Variants in PTPN4 observed in about 807,000 individuals in gnomAD.
PTPN4 encodes the protein protein tyrosine phosphatase non-receptor type 4.
In PTPN4, 49 loss-of-function variants were observed where a neutral mutation model predicts 135.5. The ratio of observed to expected loss-of-function variants is 0.36; its 90% CI spans 0.29 to 0.46. The LOEUF (loss-of-function observed/expected upper bound fraction) is 0.46. PTPN4 is among the 20% of genes least tolerant of loss of function. The pLI is 1.00. For synonymous variants in PTPN4, 333 were observed against 369.9 expected (o/e 0.90, Z 1.14); for missense variants, 860 against 1,101.0 (o/e 0.78, Z 3.10).
At chr2:119,972,205 T>C (rs1230447149) in intron 26 of PTPN4, among the ~76,000 whole-genome samples, 1 of 151,694 alleles carries the variant, frequency 6.6e-6, no homozygotes, top group Non-Finnish European at 1.5e-5. Flanking sequence ...AGAATGTTCA[T>C]AGGGATTGGG....
intron 9 of PTPN4, among the ~76,000 whole-genome samples, chr2:119,887,909 C>T (rs539692204): frequency 7.2e-5 from 11 of 152,098 alleles, no homozygotes; most frequent in South Asian, 4.1e-4. Flanking sequence ...CTATGAAGAA[C>T]GATGTTGGTA....
At chr2:119,879,226 A>C (rs978411352) in intron 5 of PTPN4, among the ~76,000 whole-genome samples, 4 of 152,196 alleles carry the variant, frequency 2.6e-5, no homozygotes, top group Admixed American at 2.6e-4. Context: ...CTGTCTTTGA[A>C]TTTCTGAATG....
rs368353554 is a variant in PTPN4 at position 119,895,291 on chromosome 2, G to A, written c.676-5427G>A. Among the ~76,000 whole-genome samples, 41 of 152,270 alleles carry A rather than the reference G, an allele frequency of 2.7e-4. No individual in the cohort carries two copies. The East Asian group carries it at 3.9e-3, about 14-fold the overall frequency. ...ACATCATAACATTGAGTGGGTTTGC[G>A]TTATCGTACTGTTAACATGTGATAG... On this transcript the variant is annotated intron_variant, in intron 9 of 26. Coordinates refer to ENST00000263708, the MANE Select transcript of PTPN4 (RefSeq NM_002830.4).
intron 1 of PTPN4, among the ~76,000 whole-genome samples, chr2:119,808,271 A>T (rs2104947174): frequency 6.6e-6 from 1 of 152,320 alleles, no homozygotes; most frequent in Admixed American, 6.5e-5. Flanking sequence ...CAGTTAGGAA[A>T]AGAGGAAGTC....
At chr2:119,946,629 T>G (rs1398329723) in intron 18 of PTPN4, 55 bp downstream of exon 18, 1 of 1,279,250 alleles carries the variant, frequency 7.8e-7, no homozygotes, top group Non-Finnish European at 1.1e-6. Context: ...TGTACTTATT[T>G]TATAATTCTT....
At chr2:119,934,109 AT>A (rs1413070088) in intron 14 of PTPN4, among the ~76,000 whole-genome samples, 1 of 152,340 alleles carries the variant, frequency 6.6e-6, no homozygotes, top group East Asian at 1.9e-4. Context: ...ATCTAAAAAG[AT>A]TTTTTAAAAT....
chr2:119,948,040 G>A (rs542685373), intron 18 of PTPN4, among the ~76,000 whole-genome samples: 3 of 151,940 alleles, frequency 2.0e-5, no homozygotes, highest in Non-Finnish European at 4.4e-5. Flanking sequence ...GGACAAGACC[G>A]GGGATATTAT....
chr2:119,955,130 G>A, intron 19 of PTPN4, 27 bp from the exon 20 acceptor site: 2 of 1,559,638 alleles, frequency 1.3e-6, no homozygotes, highest in African/African-American at 1.4e-5. Flanking sequence ...TCCACGTTTT[G>A]GGGTTTGTTT....
intron 1 of PTPN4, among the ~76,000 whole-genome samples, chr2:119,793,661 A>G (rs1691193708): frequency 6.6e-6 from 1 of 152,112 alleles, no homozygotes; most frequent in Non-Finnish European, 1.5e-5. Flanking sequence ...AGAAATTATA[A>G]AAGTATTAAT....
intron 2 of PTPN4, among the ~76,000 whole-genome samples, chr2:119,851,521 C>G (rs1487417102): frequency 6.6e-6 from 1 of 152,150 alleles, no homozygotes; most frequent in Non-Finnish European, 1.5e-5. Context: ...GGTGGGCTGT[C>G]CATATGCACA....
intron 2 of PTPN4, among the ~76,000 whole-genome samples, chr2:119,832,436 TTTAC>T (rs1677232754): frequency 2.6e-5 from 4 of 152,106 alleles, no homozygotes; most frequent in Admixed American, 2.6e-4. Context: ...GTCAGATTTA[TTTAC>T]TTGTTTTCTT....
chr2:119,778,531 AG>A (rs1173466009), intron 1 of PTPN4, among the ~76,000 whole-genome samples: 2 of 152,192 alleles, frequency 1.3e-5, no homozygotes, highest in African/African-American at 4.8e-5. Context: ...TTGAAGGCAT[AG>A]GTTTAGAGAA....
rs145792264 is a variant in PTPN4, at chr2:119,920,306, T to G, written c.1001+65T>G. 7.5e-6 allele frequency: 11 copies of G among 1,472,578 alleles called. No homozygotes were observed. In the Admixed American group the frequency reaches 2.1e-4, roughly 28 times the overall value. The allele number at this position is 1,472,578 out of a possible 1,614,324, so 91.2% of individuals were successfully genotyped here. On this transcript the variant is annotated intron_variant, in intron 12 of 26. Coordinates refer to ENST00000263708, the MANE Select transcript of PTPN4 (RefSeq NM_002830.4). The stretch of plus-strand genomic sequence containing the variant: ...TTGTTTCCTTTCTTTAAAATAAAGA[T>G]GTAGTTTATGGAACCATACAACCTT...
chr2:119,879,297 T>A (rs1181457543), intron 5 of PTPN4, among the ~76,000 whole-genome samples: 1 of 152,200 alleles, frequency 6.6e-6, no homozygotes, highest in Non-Finnish European at 1.5e-5. Flanking sequence ...GAAATAAATA[T>A]GTTTCACTAA....
At chr2:119,976,273 A>G (rs1161769718) in intron 26 of PTPN4, among the ~76,000 whole-genome samples, 1 of 152,176 alleles carries the variant, frequency 6.6e-6, no homozygotes. Context: ...CTGGGATTAC[A>G]GGCGTGAGCC....
At chr2:119,837,472 A>G (rs1677312926) in intron 2 of PTPN4, among the ~76,000 whole-genome samples, 2 of 151,538 alleles carry the variant, frequency 1.3e-5, no homozygotes, top group Admixed American at 6.6e-5. Flanking sequence ...GTCTCCTGAG[A>G]GCTATGCTGT....
At chr2:119,773,021 A>T (rs1690762106) in intron 1 of PTPN4, among the ~76,000 whole-genome samples, 1 of 152,130 alleles carries the variant, frequency 6.6e-6, no homozygotes, top group Non-Finnish European at 1.5e-5. Flanking sequence ...GTAGAACTGA[A>T]CCACCAACTT....
chr2:119,893,160 G>A (rs1276929266), intron 9 of PTPN4, among the ~76,000 whole-genome samples: 1 of 152,122 alleles, frequency 6.6e-6, no homozygotes, highest in Admixed American at 6.6e-5. Context: ...TATACTATAA[G>A]ATACTAAGGG....
At chr2:119,888,348 T>C (rs1678190350) in intron 9 of PTPN4, among the ~76,000 whole-genome samples, 1 of 152,202 alleles carries the variant, frequency 6.6e-6, no homozygotes, top group Non-Finnish European at 1.5e-5. Flanking sequence ...TTCTTTCTCT[T>C]GCCTGAGTGT....
Sources: allele counts gnomAD v4.1 joint callset (sites outside exome capture counted in the v4.1 genomes callset), GRCh38; gene constraint gnomAD v4.1.1; transcripts MANE v1.5; gene names NCBI Gene and HGNC (gene_info 2026-07-23, HGNC 2026-07-21).